Variants in LEPR observed in about 807,000 individuals in gnomAD.
The protein encoded by LEPR is OB receptor.
LEPR carries 56 observed loss-of-function variants against 114.7 expected under a neutral mutation model. The ratio of observed to expected loss-of-function variants is 0.49; its 90% CI spans 0.39 to 0.61. The LOEUF (loss-of-function observed/expected upper bound fraction) is 0.61. Among genes scored for constraint, LEPR ranks in the 20% least tolerant of loss-of-function variants. LEPR has a pLI of 0.00. For synonymous variants in LEPR, 443 were observed against 461.4 expected, an observed-to-expected ratio of 0.96 and a Z score of 0.51; for missense variants, 1,202 against 1,352.9, an observed-to-expected ratio of 0.89 and a Z score of 1.75.
intron 5 of LEPR, among the ~76,000 whole-genome samples, chr1:65,579,310 T>TG (rs1278026566): frequency 6.6e-6 from 1 of 152,150 alleles, no homozygotes; most frequent in East Asian, 1.9e-4. Flanking sequence ...AATTAAAGGA[T>TG]GAAATCATGA....
At position 65,636,982 on chromosome 1, in the gene LEPR, C is replaced by T. The variant is rs772575183; in HGVS notation, c.3465C>T (p.Ile1155=). The change falls in exon 20 of 20, where the codon ATC becomes ATT. Residue 1155 remains isoleucine (I), a synonymous_variant. Transcript: ENST00000349533. ...FQTCSTQTHK[I]MENKMCDLTV ...CTTGTTCTACTCAGACTCATAAGATCATGGAAAACAAGATGTGTGACCTAA... is the reference window on the plus strand; with the variant it reads ...CTTGTTCTACTCAGACTCATAAGATTATGGAAAACAAGATGTGTGACCTAA... 6.2e-7 allele frequency: 1 copy of T among 1,613,508 alleles called. No homozygotes were observed. The highest frequency in any genetic ancestry group is 1.7e-5 in the Admixed American group (1 of 59,932).
At chr1:65,632,079 G>T (rs1216707935) in intron 19 of LEPR, among the ~76,000 whole-genome samples, 1 of 152,114 alleles carries the variant, frequency 6.6e-6, no homozygotes, top group South Asian at 2.1e-4. Flanking sequence ...GAAACAAATA[G>T]ATTTTTCCTT....
At chr1:65,433,760 C>T in intron 2 of LEPR, 1 of 915,062 alleles carries the variant, frequency 1.1e-6, no homozygotes, top group South Asian at 5.0e-5. Flanking sequence ...TTAATAATGA[C>T]ACTTGCATTT....
At chr1:65,429,759 C>T in intron 2 of LEPR, 8 of 1,029,324 alleles carry the variant, frequency 7.8e-6, no homozygotes, top group African/African-American at 3.2e-5. Flanking sequence ...ATTTTTTGAC[C>T]TAAACATTTA....
At chr1:65,486,198 A>G (rs935001042) in intron 2 of LEPR, among the ~76,000 whole-genome samples, 1 of 152,146 alleles carries the variant, frequency 6.6e-6, no homozygotes, top group African/African-American at 2.4e-5. Flanking sequence ...AGCAGAACAG[A>G]ATAGATATAT....
intron 17 of LEPR, among the ~76,000 whole-genome samples, chr1:65,620,267 C>T (rs1182916010): frequency 6.6e-6 from 1 of 151,946 alleles, no homozygotes; most frequent in Non-Finnish European, 1.5e-5. Flanking sequence ...CTTGGAATAC[C>T]AACATTTTGA....
intron 2 of LEPR, among the ~76,000 whole-genome samples, chr1:65,531,417 CTTTCCTCCTT>C (rs1255899933): frequency 7.0e-4 from 106 of 150,656 alleles, no homozygotes; most frequent in African/African-American, 2.3e-3. Context: ...CTTTCCTTTC[CTTTCCTCCTT>C]TCCTTTCCTT....
At chr1:65,569,557 A>G (rs1654008619) in intron 3 of LEPR, among the ~76,000 whole-genome samples, 1 of 152,046 alleles carries the variant, frequency 6.6e-6, no homozygotes, top group Non-Finnish European at 1.5e-5. Flanking sequence ...AAGTACAAAA[A>G]TTAACCGGGT....
intron 2 of LEPR, among the ~76,000 whole-genome samples, chr1:65,448,700 A>T: frequency 6.6e-6 from 1 of 152,242 alleles, no homozygotes; most frequent in East Asian, 1.9e-4. Flanking sequence ...TTTCTTTAAT[A>T]AATATTGGCC....
intron 2 of LEPR, among the ~76,000 whole-genome samples, chr1:65,558,187 A>G (rs1201287548): frequency 6.6e-6 from 1 of 152,196 alleles, no homozygotes; most frequent in African/African-American, 2.4e-5. Flanking sequence ...CAGGTAGCAT[A>G]AAAAGCAGGG....
At chr1:65,444,630 G>A (rs530640908) in intron 2 of LEPR, among the ~76,000 whole-genome samples, 1 of 152,126 alleles carries the variant, frequency 6.6e-6, no homozygotes, top group Non-Finnish European at 1.5e-5. Flanking sequence ...CTACAGCAAA[G>A]TAGTAGGGAC....
rs554277833 is a variant in LEPR at position 65,608,253 on chromosome 1, C to T, written c.1604-500C>T. 3.9e-3 allele frequency among the ~76,000 whole-genome samples: 554 copies of T among 141,980 alleles called. 4 individuals carry two copies. The highest frequency in any genetic ancestry group is 0.014 in the African/African-American group (531 of 38,266). 93.1% of individuals were successfully genotyped at this position (141,980 alleles called of 152,430 possible). A position where few individuals can be genotyped will look rare whatever the true frequency, so the allele number is the denominator to read the frequency against. Reference sequence around the variant, plus strand: ...GGTATCTTTTTTTTTTTTTTTGAGACGGAGTCTGGCTCTGTCGCCCAGGCT... The same window carrying T: ...GGTATCTTTTTTTTTTTTTTTGAGATGGAGTCTGGCTCTGTCGCCCAGGCT... On this transcript the variant is annotated intron_variant, in intron 11 of 19. Coordinates refer to ENST00000349533, the MANE Select transcript of LEPR (RefSeq NM_002303.6).
chr1:65,454,731 C>G (rs549214725), intron 2 of LEPR, among the ~76,000 whole-genome samples: 2 of 152,204 alleles, frequency 1.3e-5, no homozygotes, highest in East Asian at 3.9e-4. Context: ...TCCTTCATTT[C>G]AACTTTGGTG....
chr1:65,592,789 C>A lies in LEPR; in HGVS notation c.627C>A (p.Leu209=), dbSNP rs751906865. 1.1e-5 allele frequency: 17 copies of A among 1,613,212 alleles called. No homozygotes were observed. The Middle Eastern group carries it at 1.6e-3, about 156-fold the overall frequency. Residue 209 remains leucine, a synonymous_variant, in exon 6 of 20, where the codon CTC becomes CTA. Coordinates refer to ENST00000349533, the MANE Select transcript of LEPR (RefSeq NM_002303.6). ...PVPTAKLNDT[L]LMCLKITSGG... is the part of the protein sequence containing the mutation. ...CAACAGCCAAACTCAACGACACTCT[C>A]CTTATGTGTTTGAAAATCACATCTG...
chr1:65,473,698 CT>C (rs1647119530), intron 2 of LEPR, among the ~76,000 whole-genome samples: 1 of 152,112 alleles, frequency 6.6e-6, no homozygotes, highest in South Asian at 2.1e-4. Flanking sequence ...ATGATGATGC[CT>C]ATGTTTTAGA....
In LEPR at chr1:65,638,539, C is replaced by A. The variant is rs748604579; in HGVS notation, c.*1524C>A. On this transcript the variant is annotated 3_prime_UTR_variant, in exon 20 of 20. Transcript: ENST00000349533. ...TCAGAATTTCATATTTAGACCGAGACAAGAGACTCCCAATTTTACTGTTAT... is the reference window on the plus strand; with the variant it reads ...TCAGAATTTCATATTTAGACCGAGAAAAGAGACTCCCAATTTTACTGTTAT... The A allele has an allele frequency of 8.5e-5, 13 of 152,154 alleles. No individual in the cohort carries two copies. Among genetic ancestry groups the A allele is most frequent in the Non-Finnish European group, 1.8e-4 (12 of 68,026 alleles). The allele number at this position is 152,154 out of a possible 1,614,324, so 9.4% of individuals were successfully genotyped here. A position where few individuals can be genotyped will look rare whatever the true frequency, so the allele number is the denominator to read the frequency against.
chr1:65,624,220 G>A (rs1033733124), intron 19 of LEPR, among the ~76,000 whole-genome samples: 4 of 152,066 alleles, frequency 2.6e-5, no homozygotes, highest in Non-Finnish European at 5.9e-5. Context: ...TTGTTTGCGG[G>A]ACTAAAGAAG....
rs1274015382 is a variant in LEPR, at chr1:65,435,827, TCTC to T, written c.-21+10452_-21+10454del. Reference sequence around the variant, plus strand: ...TATTAGTTGTGCATTTTAATTTAATTCTCCTTTTTCCATTTTGTCTCATGAAGT... The same window carrying T: ...TATTAGTTGTGCATTTTAATTTAATTCTTTTTCCATTTTGTCTCATGAAGT... On this transcript the variant is annotated intron_variant, in intron 2 of 19. Coordinates refer to ENST00000349533, the MANE Select transcript of LEPR (RefSeq NM_002303.6). The T allele has an allele frequency of 4.1e-6, 4 of 983,016 alleles. No homozygotes were observed. The Admixed American group carries it at 1.8e-4, about 45-fold the overall frequency. 60.9% of individuals were successfully genotyped at this position (983,016 alleles called of 1,614,324 possible). A position where few individuals can be genotyped will look rare whatever the true frequency, so the allele number is the denominator to read the frequency against.
intron 4 of LEPR, 141 bp downstream of exon 4, chr1:65,570,943 G>A: frequency 1.5e-6 from 1 of 688,348 alleles, no homozygotes; most frequent in Non-Finnish European, 2.1e-6. Flanking sequence ...TTCATTATGT[G>A]AACAAACTAA....
Sources: gnomAD v4.1 joint callset for allele counts (sites outside exome capture counted in the v4.1 genomes callset) on GRCh38, gnomAD v4.1.1 for gene constraint, MANE v1.5 for transcripts, NCBI Gene and HGNC (gene_info 2026-07-23, HGNC 2026-07-21) for gene names.